CSMD1: variants seen among roughly 807,000 people sequenced by gnomAD.
CSMD1 encodes CUB and sushi domain-containing protein 1.
Under a neutral mutation model 417.5 loss-of-function variants are expected in CSMD1, and 213 were observed. The ratio of observed to expected loss-of-function variants is 0.51; its 90% CI spans 0.46 to 0.57. The LOEUF (loss-of-function observed/expected upper bound fraction) is 0.57. Ranked by LOEUF, CSMD1 falls within the 20% of genes least tolerant of loss-of-function variation. CSMD1 has a pLI of 0.00. For missense variants in CSMD1, 6,923 were observed against 4,529.7 expected, an observed-to-expected ratio of 1.53 and a Z score of -15.17; for synonymous variants, 2,862 against 1,736.8, an observed-to-expected ratio of 1.65 and a Z score of -16.11.
At chr8:3,083,593 G>A (rs1814263618) in intron 49 of CSMD1, among the ~76,000 whole-genome samples, 1 of 113,996 alleles carries the variant, frequency 8.8e-6, no homozygotes, top group Non-Finnish European at 1.7e-5. Context: ...CATCCACGGT[G>A]ACAGTTACCA....
intron 3 of CSMD1, among the ~76,000 whole-genome samples, chr8:4,161,924 C>T (rs1347767298): frequency 6.6e-6 from 1 of 152,090 alleles, no homozygotes; most frequent in African/African-American, 2.4e-5. Flanking sequence ...ATATCCCTTT[C>T]GTTTAAATAT....
intron 1 of CSMD1, among the ~76,000 whole-genome samples, chr8:4,779,829 G>A (rs10104802): frequency 0.014 from 2,157 of 152,234 alleles, 41 homozygotes; most frequent in African/African-American, 0.049. Context: ...AGCCTGCTAA[G>A]CAGCATCTTC....
At chr8:4,092,937 A>G (rs181973347) in intron 3 of CSMD1, among the ~76,000 whole-genome samples, 2 of 152,224 alleles carry the variant, frequency 1.3e-5, no homozygotes, top group East Asian at 1.9e-4. Context: ...TGAATCCTTT[A>G]TTACTCTTCC....
chr8:4,119,482 A>C (rs1802354503), intron 3 of CSMD1, among the ~76,000 whole-genome samples: 1 of 152,212 alleles, frequency 6.6e-6, no homozygotes, highest in Non-Finnish European at 1.5e-5. Context: ...CCATTGGTTA[A>C]ACTCGTAATC....
intron 3 of CSMD1, among the ~76,000 whole-genome samples, chr8:4,051,899 C>T (rs1332067080): frequency 7.5e-5 from 9 of 119,460 alleles, no homozygotes; most frequent in African/African-American, 1.8e-4. Context: ...TTCCTTCCTT[C>T]CTTCCTTCCT....
At chr8:4,771,460 C>T (rs972558766) in intron 1 of CSMD1, among the ~76,000 whole-genome samples, 1 of 152,318 alleles carries the variant, frequency 6.6e-6, no homozygotes, top group East Asian at 1.9e-4. Context: ...AATACACATC[C>T]TCCGTGCGAA....
At position 3,215,679 on chromosome 8, in the gene CSMD1, C is replaced by A. The variant is rs114038478; in HGVS notation, c.4673-988G>T. 4.3e-3 allele frequency among the ~76,000 whole-genome samples: 648 copies of A among 152,172 alleles called. 8 individuals are homozygous for A. The highest frequency in any genetic ancestry group is 0.015 in the African/African-American group (604 of 41,524). ...GTCAATTTCAGTTATCTTCTGGTAG[C>A]CTTAATATTTTTAATTTTCTGTTTC... On this transcript the variant is annotated intron_variant, in intron 29 of 69. Coordinates refer to ENST00000635120, the MANE Select transcript of CSMD1 (RefSeq NM_033225.6).
At chr8:4,201,500 T>C (rs1799643759) in intron 3 of CSMD1, among the ~76,000 whole-genome samples, 1 of 116,584 alleles carries the variant, frequency 8.6e-6, no homozygotes, top group South Asian at 2.8e-4. Context: ...ATAGCGCCAC[T>C]GCCGTCCGGC....
intron 3 of CSMD1, among the ~76,000 whole-genome samples, chr8:4,146,172 C>T (rs1042921512): frequency 4.0e-5 from 6 of 150,952 alleles, no homozygotes; most frequent in South Asian, 2.1e-4. Context: ...CCTCATACTC[C>T]GCTGGCCAAG....
intron 27 of CSMD1, among the ~76,000 whole-genome samples, chr8:3,229,632 G>A (rs1218783414): frequency 1.3e-5 from 2 of 151,956 alleles, no homozygotes; most frequent in Non-Finnish European, 2.9e-5. Context: ...TATCATAGGG[G>A]GAAAAACATC....
intron 3 of CSMD1, among the ~76,000 whole-genome samples, chr8:4,277,383 T>A (rs1401931617): frequency 6.6e-6 from 1 of 152,144 alleles, no homozygotes; most frequent in East Asian, 1.9e-4. Context: ...AATCTGAAGG[T>A]GTCTGGCTTG....
At chr8:3,312,165 A>AT (rs202089746) in intron 23 of CSMD1, among the ~76,000 whole-genome samples, 2,600 of 152,302 alleles carry the variant, frequency 0.017, 32 homozygotes, top group Non-Finnish European at 0.026. Flanking sequence ...CTTGGGTTGC[A>AT]TTTTGTACAG....
intron 5 of CSMD1, among the ~76,000 whole-genome samples, chr8:3,839,887 C>G (rs1249165083): frequency 1.3e-5 from 2 of 151,778 alleles, no homozygotes; most frequent in Non-Finnish European, 2.9e-5. Flanking sequence ...TCAGAACAGC[C>G]TTTTGAGGTA....
chr8:4,851,263 C>A (rs1349436000), intron 1 of CSMD1, among the ~76,000 whole-genome samples: 1 of 152,020 alleles, frequency 6.6e-6, no homozygotes, highest in African/African-American at 2.4e-5. Context: ...CATGTCCCTA[C>A]AAAGGACATG....
intron 2 of CSMD1, among the ~76,000 whole-genome samples, chr8:4,443,015 G>A (rs1228295): frequency 0.4 from 61,245 of 151,816 alleles, 13,523 homozygotes; most frequent in African/African-American, 0.58. Context: ...CAAAAACACT[G>A]TCTACTTTAA....
intron 1 of CSMD1, among the ~76,000 whole-genome samples, chr8:4,873,046 A>G (rs571772896): frequency 2.0e-5 from 3 of 152,232 alleles, no homozygotes; most frequent in South Asian, 4.1e-4. Flanking sequence ...CAAATCGTAT[A>G]TATTTAAGGT....
At chr8:3,515,065 A>C (rs1797230439) in intron 10 of CSMD1, among the ~76,000 whole-genome samples, 1 of 152,202 alleles carries the variant, frequency 6.6e-6, no homozygotes, top group Non-Finnish European at 1.5e-5. Flanking sequence ...TAACTTTTCA[A>C]AATAATAATA....
At chr8:4,068,610 T>C (rs985113459) in intron 3 of CSMD1, among the ~76,000 whole-genome samples, 1 of 152,136 alleles carries the variant, frequency 6.6e-6, no homozygotes, top group African/African-American at 2.4e-5. Context: ...AAAACATATC[T>C]AGTTCATATA....
intron 3 of CSMD1, among the ~76,000 whole-genome samples, chr8:4,376,233 T>C (rs371596401): frequency 2.6e-5 from 4 of 152,350 alleles, no homozygotes; most frequent in African/African-American, 9.6e-5. Context: ...TTTGACGTTT[T>C]CCTATTTGAC....
Sources: allele counts gnomAD v4.1 joint callset (sites outside exome capture counted in the v4.1 genomes callset), GRCh38; gene constraint gnomAD v4.1.1; transcripts MANE v1.5; gene names NCBI Gene and HGNC (gene_info 2026-07-23, HGNC 2026-07-21).